The following CRB1 variants were observed in gnomAD, a reference collection of about 807,000 sequenced individuals.
CRB1 encodes the protein crumbs cell polarity complex component 1, also known as protein crumbs homolog 1.
Under a neutral mutation model 120.0 loss-of-function variants are expected in CRB1, and 83 were observed. The observed-to-expected ratio is 0.69, with a 90% CI of 0.58 to 0.83. The LOEUF (loss-of-function observed/expected upper bound fraction) is 0.83. Among genes scored for constraint, CRB1 ranks in the 40% least tolerant of loss-of-function variants. CRB1 has a pLI of 0.00. For synonymous variants in CRB1, 625 were observed against 612.5 expected, an observed-to-expected ratio of 1.02 and a Z score of -0.30; for missense variants, 1,699 against 1,687.6, an observed-to-expected ratio of 1.01 and a Z score of -0.12.
the CRB1 span, among the ~76,000 whole-genome samples, chr1:197,239,568 T>C: frequency 6.6e-6 from 1 of 152,066 alleles, no homozygotes; most frequent in Non-Finnish European, 1.5e-5. Context: ...AATCTGTCTA[T>C]ATTGTCATAG....
chr1:197,304,397 G>A, intron 1 of CRB1: 1 of 983,044 alleles, frequency 1.0e-6, no homozygotes, highest in Non-Finnish European at 1.2e-6. Context: ...ACTAGCAGTG[G>A]CATGTGCTCA....
chr1:197,420,636 C>T (rs180858057), intron 5 of CRB1, among the ~76,000 whole-genome samples: 8 of 152,234 alleles, frequency 5.3e-5, no homozygotes, highest in Non-Finnish European at 7.4e-5. Flanking sequence ...AAAAAAGTCT[C>T]GAAATAAATA....
intron 4 of CRB1, among the ~76,000 whole-genome samples, chr1:197,351,699 C>T (rs138617751): frequency 2.2e-3 from 341 of 152,070 alleles, no homozygotes; most frequent in African/African-American, 7.8e-3. Context: ...TTTGCTAGAA[C>T]GAAGACAACA....
At chr1:197,394,282 T>C (rs1244682658) in intron 5 of CRB1, among the ~76,000 whole-genome samples, 1 of 152,158 alleles carries the variant, frequency 6.6e-6, no homozygotes, top group South Asian at 2.1e-4. Flanking sequence ...ATTTTCTTAA[T>C]AACATGTTTT....
chr1:197,242,050 A>T, the CRB1 span, among the ~76,000 whole-genome samples: 12 of 152,064 alleles, frequency 7.9e-5, no homozygotes, highest in Admixed American at 6.6e-4. Flanking sequence ...GTATCCTGAG[A>T]CTTTGCTGAA....
chr1:197,215,253 C>T, the CRB1 span, among the ~76,000 whole-genome samples: 490 of 150,418 alleles, frequency 3.3e-3, 1 homozygote, highest in African/African-American at 0.011. Context: ...CCCCAAGTGA[C>T]ATGGGAGGGA....
chr1:197,209,973 G>A, the CRB1 span, among the ~76,000 whole-genome samples: 1 of 152,200 alleles, frequency 6.6e-6, no homozygotes, highest in South Asian at 2.1e-4. Context: ...CAAAGGGTCT[G>A]TGAATTATCT....
intron 11 of CRB1, among the ~76,000 whole-genome samples, chr1:197,471,776 A>C (rs930409306): frequency 6.6e-6 from 1 of 152,216 alleles, no homozygotes; most frequent in Non-Finnish European, 1.5e-5. Context: ...GCACATATTC[A>C]ATATTACTAT....
At chr1:197,354,576 C>G (rs1021647891) in intron 4 of CRB1, among the ~76,000 whole-genome samples, 2 of 152,002 alleles carry the variant, frequency 1.3e-5, no homozygotes, top group Non-Finnish European at 2.9e-5. Context: ...CGTCTGGCCG[C>G]GTCTGGAGAG....
the CRB1 span, among the ~76,000 whole-genome samples, chr1:197,234,153 G>A: frequency 6.6e-6 from 1 of 152,160 alleles, no homozygotes; most frequent in African/African-American, 2.4e-5. Flanking sequence ...TTGTTGTAGT[G>A]GTTTTAAAAA....
intron 2 of CRB1, among the ~76,000 whole-genome samples, chr1:197,338,869 C>A (rs1659300696): frequency 6.6e-6 from 1 of 152,006 alleles, no homozygotes; most frequent in African/African-American, 2.4e-5. Context: ...TTTCAGATAT[C>A]ATTAAGAAAG....
upstream of CRB1, among the ~76,000 whole-genome samples, chr1:197,266,003 A>T (rs1020626376): frequency 6.6e-6 from 1 of 151,952 alleles, no homozygotes; most frequent in Admixed American, 6.6e-5. Flanking sequence ...GATTTTGTGG[A>T]TTTGCTGAGT....
intron 5 of CRB1, among the ~76,000 whole-genome samples, chr1:197,367,911 A>G (rs1210428909): frequency 2.0e-5 from 3 of 152,242 alleles, no homozygotes; most frequent in Non-Finnish European, 4.4e-5. Flanking sequence ...CACCCCGATG[A>G]GAGCCACCTG....
intron 11 of CRB1, among the ~76,000 whole-genome samples, chr1:197,459,303 T>A (rs550482883): frequency 6.6e-6 from 1 of 152,166 alleles, no homozygotes; most frequent in Non-Finnish European, 1.5e-5. Flanking sequence ...TGATTATGTA[T>A]GGCTACAATT....
chr1:197,455,309 T>C (rs1571602097), intron 11 of CRB1, among the ~76,000 whole-genome samples: 2 of 152,164 alleles, frequency 1.3e-5, no homozygotes, highest in African/African-American at 4.8e-5. Flanking sequence ...ACAATAAAGT[T>C]GACAGCATCG....
At chr1:197,351,918 A>C (rs539637913) in intron 4 of CRB1, among the ~76,000 whole-genome samples, 2 of 152,320 alleles carry the variant, frequency 1.3e-5, no homozygotes, top group African/African-American at 4.8e-5. Context: ...AAAAGTTAAC[A>C]CTACAAACTA....
chr1:197,312,194 G>A (rs1657572016), intron 1 of CRB1, among the ~76,000 whole-genome samples: 1 of 152,140 alleles, frequency 6.6e-6, no homozygotes, highest in South Asian at 2.1e-4. Flanking sequence ...CATAGTAACT[G>A]TTTATTAGTT....
the CRB1 span, among the ~76,000 whole-genome samples, chr1:197,215,980 G>A: frequency 1.3e-5 from 2 of 152,174 alleles, no homozygotes; most frequent in African/African-American, 4.8e-5. Flanking sequence ...AGATTTAAAT[G>A]TCCTTAAATT....
At chr1:197,471,292 T>G (rs1335426095) in intron 11 of CRB1, among the ~76,000 whole-genome samples, 2 of 152,090 alleles carry the variant, frequency 1.3e-5, no homozygotes. Context: ...TTATATTGGA[T>G]TCCTTCTTTT....
Sources: allele counts gnomAD v4.1 joint callset (sites outside exome capture counted in the v4.1 genomes callset), GRCh38; gene constraint gnomAD v4.1.1; transcripts MANE v1.5; gene names NCBI Gene and HGNC (gene_info 2026-07-23, HGNC 2026-07-21).